The following RSPH14 variants were observed in gnomAD, a reference collection of about 807,000 sequenced individuals.
RSPH14 encodes rhabdoid tumor deletion region gene 1.
In RSPH14, 20 loss-of-function variants were observed where a neutral mutation model predicts 26.7. That is an observed-to-expected ratio of 0.75 (90% confidence interval 0.53 to 1.09). The LOEUF is 1.09. Among genes scored for constraint, RSPH14 ranks in the 50% least tolerant of loss-of-function variants. The pLI, the probability that RSPH14 is intolerant of heterozygous loss-of-function variation, is 0.00. For missense variants in RSPH14, 449 were observed against 457.2 expected (o/e 0.98, Z 0.16); for synonymous variants, 177 against 189.3 (o/e 0.93, Z 0.53).
At chr22:23,105,184 C>G (rs571730855) in intron 4 of RSPH14, among the ~76,000 whole-genome samples, 1 of 152,306 alleles carries the variant, frequency 6.6e-6, no homozygotes, top group East Asian at 1.9e-4. Context: ...CACACCTTTT[C>G]CTGGCCTGTG....
At chr22:23,151,382 A>T in the RSPH14 span, among the ~76,000 whole-genome samples, 11 of 152,076 alleles carry the variant, frequency 7.2e-5, no homozygotes, top group African/African-American at 2.7e-4. Context: ...ATGGAGTCAG[A>T]ACGAAAGGGC....
chr22:23,126,927 C>G (rs548301982), intron 4 of RSPH14, among the ~76,000 whole-genome samples: 1 of 152,366 alleles, frequency 6.6e-6, no homozygotes, highest in Admixed American at 6.5e-5. Flanking sequence ...TCACGATAAT[C>G]CCAGCTCTCC....
the RSPH14 span, among the ~76,000 whole-genome samples, chr22:23,169,975 T>C: frequency 1.3e-4 from 19 of 151,806 alleles, no homozygotes; most frequent in African/African-American, 4.6e-4. Flanking sequence ...TGTGTGCCTG[T>C]AGTCCCAGCT....
chr22:23,072,460 A>G (rs998963723), intron 4 of RSPH14, among the ~76,000 whole-genome samples: 1 of 152,228 alleles, frequency 6.6e-6, no homozygotes, highest in Admixed American at 6.5e-5. Flanking sequence ...TGAATAAGAC[A>G]TAATTTCTCC....
intron 4 of RSPH14, among the ~76,000 whole-genome samples, chr22:23,094,481 C>T (rs2069068481): frequency 1.3e-5 from 2 of 152,332 alleles, no homozygotes; most frequent in Middle Eastern, 3.4e-3. Flanking sequence ...GTGATTACTA[C>T]TACCCTTGGG....
chr22:23,107,872 A>G (rs2069529178), intron 4 of RSPH14, among the ~76,000 whole-genome samples: 1 of 152,186 alleles, frequency 6.6e-6, no homozygotes, highest in Admixed American at 6.5e-5. Context: ...CCATTGACCG[A>G]CGAAGCCACA....
the RSPH14 span, among the ~76,000 whole-genome samples, chr22:23,159,721 G>A: frequency 3.3e-5 from 5 of 152,162 alleles, no homozygotes; most frequent in African/African-American, 7.2e-5. Context: ...ACATCACCTG[G>A]CATAGAGAAG....
At chr22:23,082,977 G>A (rs1012216987) in intron 4 of RSPH14, among the ~76,000 whole-genome samples, 8 of 152,128 alleles carry the variant, frequency 5.3e-5, no homozygotes, top group Non-Finnish European at 1.0e-4. Flanking sequence ...AAGGTGGGGC[G>A]TGAGCTGGCT....
intron 6 of RSPH14, among the ~76,000 whole-genome samples, chr22:23,060,214 G>A (rs951716199): frequency 8.5e-5 from 13 of 152,166 alleles, no homozygotes; most frequent in African/African-American, 2.4e-4. Context: ...GCTCACGCCT[G>A]TAATCCCAGC....
chr22:23,175,268 G>T, the RSPH14 span, among the ~76,000 whole-genome samples: 376 of 152,204 alleles, frequency 2.5e-3, 1 homozygote, highest in African/African-American at 8.8e-3. Context: ...AAAGTGCTGG[G>T]ATTACAGGCG....
chr22:23,075,857 G>C (rs974785645), intron 4 of RSPH14, among the ~76,000 whole-genome samples: 2 of 152,156 alleles, frequency 1.3e-5, no homozygotes, highest in African/African-American at 4.8e-5. Flanking sequence ...GTCTGCCCCT[G>C]TGAGTCACGG....
chr22:23,077,210 C>T (rs1041472943), intron 4 of RSPH14, among the ~76,000 whole-genome samples: 1 of 152,182 alleles, frequency 6.6e-6, no homozygotes. Flanking sequence ...TCTCTCCTTA[C>T]ATGCCCCTTC....
intron 4 of RSPH14, among the ~76,000 whole-genome samples, chr22:23,129,184 C>T (rs1479819164): frequency 2.0e-5 from 3 of 152,146 alleles, no homozygotes; most frequent in African/African-American, 4.8e-5. Flanking sequence ...CCAGAGGCCA[C>T]GACACTCAGT....
the RSPH14 span, chr22:23,150,104 C>G: frequency 3.7e-6 from 6 of 1,612,580 alleles, no homozygotes; most frequent in South Asian, 4.4e-5. Flanking sequence ...GGGAGCACTT[C>G]CACGGGCAGG....
intron 4 of RSPH14, among the ~76,000 whole-genome samples, chr22:23,097,343 C>T (rs874138): frequency 0.23 from 35,678 of 152,194 alleles, 4,555 homozygotes; most frequent in East Asian, 0.35. Flanking sequence ...TTAGGTTCAG[C>T]GGAGAGCAAC....
chr22:23,118,113 A>G (rs932514329), intron 4 of RSPH14, among the ~76,000 whole-genome samples: 2 of 152,176 alleles, frequency 1.3e-5, no homozygotes, highest in Non-Finnish European at 2.9e-5. Context: ...AGTCCCTTCC[A>G]CAATGGCAAG....
upstream of RSPH14, among the ~76,000 whole-genome samples, chr22:23,148,942 C>T (rs527537471): frequency 2.6e-5 from 4 of 152,342 alleles, no homozygotes; most frequent in South Asian, 2.1e-4. Flanking sequence ...ACTCCTCCAA[C>T]GACCACATGA....
rs745656122 is a variant in RSPH14 at position 23,077,107 on chromosome 22, C to T, written c.422-12974G>A. ...CATGGTCGATTAGTGATGTCTGCAG[C>T]GGGCACGGGAGGCAGGATTTAGATG... On this transcript the variant is annotated intron_variant, in intron 4 of 6. Transcript: ENST00000216036. 4.9e-4 allele frequency among the ~76,000 whole-genome samples: 74 copies of T among 152,226 alleles called. 1 individual carries two copies. Among genetic ancestry groups the T allele is most frequent in the Admixed American group, 9.2e-4 (14 of 15,288 alleles).
chr22:23,067,696 C>A (rs1009207982), intron 4 of RSPH14, among the ~76,000 whole-genome samples: 3 of 152,232 alleles, frequency 2.0e-5, no homozygotes, highest in Non-Finnish European at 2.9e-5. Flanking sequence ...ACCACCTCCC[C>A]AACTGCTCCT....
Sources: allele counts gnomAD v4.1 joint callset (sites outside exome capture counted in the v4.1 genomes callset), GRCh38; gene constraint gnomAD v4.1.1; transcripts MANE v1.5; gene names NCBI Gene and HGNC (gene_info 2026-07-23, HGNC 2026-07-21).